Variants in USP37 observed in about 807,000 individuals in gnomAD.
USP37 encodes ubiquitin specific peptidase 37.
A neutral mutation model predicts 124.0 loss-of-function variants in USP37; 27 were observed. That is an observed-to-expected ratio of 0.22 (90% CI 0.16 to 0.30). The LOEUF is 0.30. USP37 is among the 10% of genes least tolerant of loss of function. The pLI is 1.00. For synonymous variants in USP37, 365 were observed against 388.0 expected (o/e 0.94, Z 0.70); for missense variants, 889 against 1,140.4 (o/e 0.78, Z 3.17).
chr2:218,524,053 T>C (rs546772473), intron 10 of USP37, among the ~76,000 whole-genome samples: 1 of 152,332 alleles, frequency 6.6e-6, no homozygotes, highest in East Asian at 1.9e-4. Context: ...GTTTTAAAAA[T>C]CTACCACAAT....
chr2:218,525,489 T>A (rs1235466018), intron 10 of USP37, among the ~76,000 whole-genome samples: 1 of 152,072 alleles, frequency 6.6e-6, no homozygotes, highest in Non-Finnish European at 1.5e-5. Context: ...GTCTAAAAAA[T>A]AAATAAATAA....
chr2:218,544,426 TATATAG>T (rs1187501575), intron 8 of USP37, among the ~76,000 whole-genome samples: 14 of 47,734 alleles, frequency 2.9e-4, no homozygotes, highest in South Asian at 9.5e-4. Context: ...TATATATATA[TATATAG>T]AGAGAGAGAG....
At chr2:218,554,411 A>G (rs1265957689) in intron 4 of USP37, among the ~76,000 whole-genome samples, 1 of 152,228 alleles carries the variant, frequency 6.6e-6, no homozygotes, top group South Asian at 2.1e-4. Flanking sequence ...AACACATTTC[A>G]GAACCTTGGA....
intron 24 of USP37, among the ~76,000 whole-genome samples, chr2:218,456,028 AGAGT>A (rs1689681600): frequency 6.6e-6 from 1 of 152,184 alleles, no homozygotes. Context: ...CCTGGGTGAC[AGAGT>A]GAGACTCCAT....
chr2:218,552,646 T>C (rs1692728583), intron 5 of USP37, among the ~76,000 whole-genome samples: 1 of 83,568 alleles, frequency 1.2e-5, no homozygotes, highest in Admixed American at 1.1e-4. Context: ...GTAAATGCAT[T>C]AAAAGAAAAA....
At position 218,452,979 on chromosome 2, in the gene USP37, A is replaced by G. The variant is rs1490304908; in HGVS notation, c.*1951T>C. 2 of 152,214 alleles carry G rather than the reference A, an allele frequency of 1.3e-5. No homozygotes were observed. Among genetic ancestry groups the G allele is most frequent in the African/African-American group, 4.8e-5 (2 of 41,450 alleles). 9.4% of individuals were successfully genotyped at this position (152,214 alleles called of 1,614,324 possible). On this transcript the variant is annotated 3_prime_UTR_variant, in exon 26 of 26. Coordinates refer to ENST00000258399, the MANE Select transcript of USP37 (RefSeq NM_020935.3). ...AACTTTAAAGCTAGTTTTAAAACAA[A>G]TATTTTCCTCTGCTCTAAACTACTC...
At chr2:218,511,113 C>T (rs966878999) in intron 10 of USP37, among the ~76,000 whole-genome samples, 4 of 152,070 alleles carry the variant, frequency 2.6e-5, no homozygotes, top group Non-Finnish European at 5.9e-5. Context: ...TAGTTGTTTA[C>T]TCTTTTCTGA....
chr2:218,505,513 A>C (rs1689630411), intron 11 of USP37, among the ~76,000 whole-genome samples: 1 of 151,938 alleles, frequency 6.6e-6, no homozygotes, highest in South Asian at 2.1e-4. Context: ...AAGTTCTTAT[A>C]CTCCAAACCT....
chr2:218,545,888 G>C (rs565754785), intron 8 of USP37, among the ~76,000 whole-genome samples: 2 of 151,922 alleles, frequency 1.3e-5, no homozygotes, highest in East Asian at 1.9e-4. Flanking sequence ...TTTTAATTAA[G>C]CATAAAGAAG....
intron 8 of USP37, among the ~76,000 whole-genome samples, chr2:218,539,520 A>G (rs1691855860): frequency 6.6e-6 from 1 of 150,972 alleles, no homozygotes; most frequent in Admixed American, 6.6e-5. Flanking sequence ...TTTGAGACCA[A>G]TCTGAGCAAC....
intron 20 of USP37, among the ~76,000 whole-genome samples, chr2:218,467,157 G>T (rs924958217): frequency 1.3e-5 from 2 of 151,718 alleles, no homozygotes; most frequent in African/African-American, 4.8e-5. Context: ...CATTCAGGAA[G>T]GTAAGAAATC....
At chr2:218,550,710 GT>G (rs1320665767) in intron 5 of USP37, among the ~76,000 whole-genome samples, 1 of 151,080 alleles carries the variant, frequency 6.6e-6, no homozygotes, top group Non-Finnish European at 1.5e-5. Context: ...TGCTACCAAT[GT>G]GGTAGTAGGA....
intron 4 of USP37, among the ~76,000 whole-genome samples, chr2:218,554,485 G>C (rs1165493074): frequency 6.6e-6 from 1 of 152,160 alleles, no homozygotes; most frequent in Non-Finnish European, 1.5e-5. Flanking sequence ...CATGGCTCAT[G>C]CCTGTAATCC....
chr2:218,459,742 G>C (rs1197365821), intron 23 of USP37, 48 bp downstream of exon 23: 2 of 1,518,432 alleles, frequency 1.3e-6, no homozygotes, highest in Non-Finnish European at 1.8e-6. Context: ...AGAGTGGGAA[G>C]AGTGACACTG....
intron 10 of USP37, among the ~76,000 whole-genome samples, chr2:218,515,915 T>C (rs1267198226): frequency 1.3e-5 from 2 of 151,878 alleles, no homozygotes; most frequent in Non-Finnish European, 2.9e-5. Flanking sequence ...AAGACATTTA[T>C]GCGGCTAACA....
At chr2:218,477,907 C>A (rs1200281695) in intron 18 of USP37, among the ~76,000 whole-genome samples, 1 of 151,964 alleles carries the variant, frequency 6.6e-6, no homozygotes, top group East Asian at 1.9e-4. Flanking sequence ...TTTAATGATG[C>A]CAGATAAGTA....
intron 5 of USP37, among the ~76,000 whole-genome samples, chr2:218,551,578 C>A (rs1211288404): frequency 6.6e-6 from 1 of 152,152 alleles, no homozygotes; most frequent in Non-Finnish European, 1.5e-5. Context: ...ATGGCCAAAG[C>A]CCATATTTTT....
chr2:218,505,444 C>T lies in USP37; in HGVS notation c.1025+4535G>A, dbSNP rs575967867. 2.9e-3 allele frequency among the ~76,000 whole-genome samples: 444 copies of T among 152,264 alleles called. 2 individuals are homozygous for T. Among genetic ancestry groups the T allele is most frequent in the African/African-American group, 0.01 (426 of 41,534 alleles). On this transcript the variant is annotated intron_variant, in intron 11 of 25. Coordinates refer to ENST00000258399, the MANE Select transcript of USP37 (RefSeq NM_020935.3). ...CAATGTTTCTCCAGTTACTCTTGGA[C>T]GCATGAAGCTCATTTTCTGTAGAGT...
intron 6 of USP37, among the ~76,000 whole-genome samples, chr2:218,549,457 T>G (rs1380181163): frequency 2.8e-5 from 4 of 142,762 alleles, no homozygotes; most frequent in Non-Finnish European, 6.0e-5. Context: ...TGATAGTCTA[T>G]GACTATCTTT....
Sources: allele counts gnomAD v4.1 joint callset (sites outside exome capture counted in the v4.1 genomes callset), GRCh38; gene constraint gnomAD v4.1.1; transcripts MANE v1.5; gene names NCBI Gene and HGNC (gene_info 2026-07-23, HGNC 2026-07-21).